Variants in DNAH8 observed in about 807,000 individuals in gnomAD.
DNAH8 encodes axonemal beta dynein heavy chain 8.
In DNAH8, 382 loss-of-function variants were observed where a neutral mutation model predicts 562.1. The observed-to-expected ratio is 0.68, with a 90% confidence interval of 0.63 to 0.74. The LOEUF is 0.74. Ranked by LOEUF, DNAH8 falls within the 30% of genes least tolerant of loss-of-function variation. The pLI is 0.00. For synonymous variants in DNAH8, 1,881 were observed against 1,919.4 expected, an observed-to-expected ratio of 0.98 and a Z score of 0.52; for missense variants, 5,203 against 5,620.4, an observed-to-expected ratio of 0.93 and a Z score of 2.37.
At position 38,828,246 on chromosome 6, in the gene DNAH8, T is replaced by C; in HGVS notation, c.4146T>C (p.Val1382=). The change falls in exon 30 of 93, where the codon GTT becomes GTC. Residue 1382 remains valine, a synonymous_variant. Transcript: ENST00000327475. ...VEVTKEESEA[V]DTLRYSFNKL... ...TAACCAAAGAAGAATCAGAAGCAGT[T>C]GATACCTTAAGATATTCTTTCAACA... 6.3e-7 allele frequency: 1 copy of C among 1,593,894 alleles called. No individual in the cohort carries two copies. Among genetic ancestry groups the C allele is most frequent in the Non-Finnish European group, 8.5e-7 (1 of 1,171,760 alleles).
chr6:39,027,297 C>A (rs1767362809), intron 92 of DNAH8, among the ~76,000 whole-genome samples: 1 of 152,134 alleles, frequency 6.6e-6, no homozygotes, highest in Admixed American at 6.5e-5. Context: ...GGGCTACTCA[C>A]AGATTCTACT....
At chr6:38,807,078 A>G (rs1771346798) in intron 23 of DNAH8, among the ~76,000 whole-genome samples, 4 of 152,294 alleles carry the variant, frequency 2.6e-5, no homozygotes, top group South Asian at 4.1e-4. Flanking sequence ...TGCTCTGATC[A>G]ATAAACTTGG....
At chr6:38,913,622 C>T (rs753736835) in intron 66 of DNAH8, among the ~76,000 whole-genome samples, 60 of 152,230 alleles carry the variant, frequency 3.9e-4, no homozygotes, top group African/African-American at 1.3e-3. Flanking sequence ...AATGTAGCTA[C>T]GTGATATTCT....
rs1773309627 is a variant in DNAH8, at chr6:38,826,283, G to T, written c.3975G>T (p.Lys1325Asn). Residue 1325 changes from lysine to asparagine, a missense_variant, in exon 29 of 93, where the codon AAG becomes AAT. Physicochemically the swap from Lys to Asn is moderately conservative, Grantham distance 94. This residue lies in a region of DNAH8 where 2,176 missense variants were observed against 2,365.1 expected (regional missense o/e 0.92). Coordinates refer to ENST00000327475, the MANE Select transcript of DNAH8 (RefSeq NM_001206927.2). ...MIAFINEYLKKLSRPIRDLDD... is the reference protein window; with the variant it reads ...MIAFINEYLKNLSRPIRDLDD... ...CATTTATTAATGAATACTTGAAAAA[G>T]TTATCTAGACCTATTCGTGATTTAG... The T allele has an allele frequency of 6.2e-7, 1 of 1,613,294 alleles. No individual in the cohort carries two copies. The highest frequency in any genetic ancestry group is 1.3e-5 in the African/African-American group (1 of 74,858).
intron 31 of DNAH8, among the ~76,000 whole-genome samples, chr6:38,833,809 A>T (rs1459122244): frequency 2.6e-5 from 4 of 152,132 alleles, no homozygotes; most frequent in Admixed American, 2.6e-4. Flanking sequence ...AAAAAAAATT[A>T]TTGGGCCTCA....
chr6:38,832,372 TCTAC>T lies in DNAH8; in HGVS notation c.4240_4243del (p.Leu1415SerfsTer10). 1 of 1,613,964 alleles carries T rather than the reference TCTAC, an allele frequency of 6.2e-7. No individual in the cohort carries two copies. Among genetic ancestry groups the T allele is most frequent in the Non-Finnish European group, 8.5e-7 (1 of 1,179,886 alleles). On this transcript the variant is annotated frameshift_variant, in exon 31 of 93. Transcript: ENST00000327475. LOFTEE classifies it high-confidence loss of function. ...AAGTGCAGCCAAAGTTTAAAAGCAA[TCTAC>T]TTGAGTCTGTGGAAGTTTTTCGTGA... is the stretch of plus-strand genomic sequence containing the variant.
intron 82 of DNAH8, among the ~76,000 whole-genome samples, chr6:38,966,475 C>T (rs1762976999): frequency 6.6e-6 from 1 of 152,150 alleles, no homozygotes; most frequent in East Asian, 1.9e-4. Flanking sequence ...CACTTTTCAA[C>T]CCATTCTGAG....
rs1457286355 is a variant in DNAH8, at chr6:38,866,888, G to C, written c.6693+12G>C. 5 of 1,514,460 alleles carry C rather than the reference G, an allele frequency of 3.3e-6. No individual in the cohort carries two copies. The highest frequency in any genetic ancestry group is 3.4e-5 in the Admixed American group (2 of 58,682). The allele number at this position is 1,514,460 out of a possible 1,614,324, so 93.8% of individuals were successfully genotyped here. A position where few individuals can be genotyped will look rare whatever the true frequency, so the allele number is the denominator to read the frequency against. On this transcript the variant is annotated intron_variant, in intron 47 of 92. Coordinates refer to ENST00000327475, the MANE Select transcript of DNAH8 (RefSeq NM_001206927.2). ...AACTTACTAAACAGGTAACTTTATA[G>C]ATCTGCTTTCCTCCTAGCAATAGTA...
chr6:38,848,660 A>C lies in DNAH8; in HGVS notation c.5058A>C (p.Pro1686=), dbSNP rs1004344520. The C allele has an allele frequency of 3.1e-6, 5 of 1,610,132 alleles. No individual in the cohort carries two copies. In the Admixed American group the frequency reaches 8.4e-5, roughly 27 times the overall value. The change falls in exon 37 of 93, where the codon CCA becomes CCC. Residue 1686 remains proline, a synonymous_variant. Transcript: ENST00000327475. ...GSLLSNRYNA[P]FKKNIQNWVY... ...TCTTACCTTTTAGATACAATGCTCCATTTAAAAAAAATATCCAGAATTGGG... is the reference window on the plus strand; with the variant it reads ...TCTTACCTTTTAGATACAATGCTCCCTTTAAAAAAAATATCCAGAATTGGG...
Position 38,931,689 on chromosome 6 carries a change from A to G in DNAH8, c.11275-122A>G, listed in dbSNP as rs1583390068. The G allele has an allele frequency of 2.7e-5, 15 of 550,586 alleles. No homozygotes were observed. In the East Asian group the frequency reaches 4.6e-4, roughly 17 times the overall value. The allele number at this position is 550,586 out of a possible 1,614,324, so 34.1% of individuals were successfully genotyped here. A position where few individuals can be genotyped will look rare whatever the true frequency, so the allele number is the denominator to read the frequency against. ...TAAGATCAGTGATTAAAATTTTGTA[A>G]CTTTCCTTCCCAATTTATTGAAGCG... On this transcript the variant is annotated intron_variant, in intron 75 of 92. Coordinates refer to ENST00000327475, the MANE Select transcript of DNAH8 (RefSeq NM_001206927.2).
chr6:39,000,907 G>A (rs1417782202), intron 88 of DNAH8, among the ~76,000 whole-genome samples: 2 of 152,140 alleles, frequency 1.3e-5, no homozygotes, highest in Admixed American at 6.5e-5. Context: ...GATGAGGTGG[G>A]AAGGAAGTGA....
At chr6:38,853,417 G>T in intron 41 of DNAH8, 70 bp downstream of exon 41, 2 of 1,532,022 alleles carry the variant, frequency 1.3e-6, no homozygotes, top group East Asian at 2.3e-5. Flanking sequence ...CTTAGCAGGT[G>T]GTTGACCTGA....
At chr6:38,982,706 C>T (rs1381491278) in intron 86 of DNAH8, among the ~76,000 whole-genome samples, 3 of 152,224 alleles carry the variant, frequency 2.0e-5, no homozygotes, top group Non-Finnish European at 4.4e-5. Flanking sequence ...ATGTTACACT[C>T]AGGGACCACA....
Position 38,870,454 on chromosome 6 carries a change from A to G in DNAH8, c.6882A>G (p.Gly2294=), listed in dbSNP as rs767735492. The change falls in exon 49 of 93, where the codon GGA becomes GGG. Residue 2294 remains glycine, a synonymous_variant. Transcript: ENST00000327475. ...FLSLINDLFP[G]LQLDSNTYAE... is the part of the protein sequence containing the mutation. ...GCTTAATCAATGACCTGTTCCCAGG[A>G]CTGCAACTGGATAGTAATACTTATG... 6 of 1,613,958 alleles carry G rather than the reference A, an allele frequency of 3.7e-6. No individual in the cohort carries two copies. In the East Asian group the frequency reaches 8.9e-5, roughly 24 times the overall value.
chr6:38,770,292 A>AG (rs1470450923), intron 11 of DNAH8, 121 bp from the exon 12 acceptor site: 1 of 587,728 alleles, frequency 1.7e-6, no homozygotes, highest in East Asian at 3.0e-5. Context: ...GTATAAATAA[A>AG]AAAAAACTAT....
At chr6:38,849,774 C>A (rs556614161) in intron 37 of DNAH8, among the ~76,000 whole-genome samples, 3 of 151,952 alleles carry the variant, frequency 2.0e-5, no homozygotes, top group Non-Finnish European at 4.4e-5. Flanking sequence ...TTTTCACTTG[C>A]GAAAATGTAA....
At chr6:38,803,893 G>A (rs1425474496) in intron 22 of DNAH8, among the ~76,000 whole-genome samples, 1 of 151,912 alleles carries the variant, frequency 6.6e-6, no homozygotes, top group African/African-American at 2.4e-5. Flanking sequence ...AAGAAAACAT[G>A]ATATGGAAGC....
rs1317898565 is a variant in DNAH8, at chr6:38,899,757, G to A, written c.9064-19G>A. The A allele has an allele frequency of 9.3e-6, 15 of 1,612,210 alleles. No homozygotes were observed. Among genetic ancestry groups the A allele is most frequent in the Admixed American group, 3.3e-5 (2 of 59,886 alleles). ...TTGCATTCTTTTTTCAAATAAGCACGTTTTAAATCTCAAAACAGATTTCAC... is the reference window on the plus strand; with the variant it reads ...TTGCATTCTTTTTTCAAATAAGCACATTTTAAATCTCAAAACAGATTTCAC... On this transcript the variant is annotated intron_variant, in intron 61 of 92. Transcript: ENST00000327475.
intron 30 of DNAH8, among the ~76,000 whole-genome samples, chr6:38,829,884 C>T (rs921465629): frequency 9.2e-5 from 14 of 152,188 alleles, no homozygotes; most frequent in African/African-American, 2.9e-4. Flanking sequence ...AAAACTGTTA[C>T]TCTATTTAAA....
Sources: gnomAD v4.1 joint callset for allele counts (sites outside exome capture counted in the v4.1 genomes callset) on GRCh38, gnomAD v4.1.1 for gene constraint, gnomAD v4.1.1 regional missense constraint, MANE v1.5 for transcripts, NCBI Gene and HGNC (gene_info 2026-07-23, HGNC 2026-07-21) for gene names.